Variants in GPC5 observed in about 807,000 individuals in gnomAD.
GPC5 encodes glypican-5.
GPC5 carries 47 observed loss-of-function variants against 53.9 expected under a neutral mutation model. The observed-to-expected ratio is 0.87, with a 90% confidence interval of 0.69 to 1.11. The LOEUF is 1.11. Among genes scored for constraint, GPC5 ranks in the 50% most tolerant of loss-of-function variants. The pLI is 0.00. For synonymous variants in GPC5, 286 were observed against 263.3 expected (o/e 1.09, Z -0.84); for missense variants, 748 against 713.1 (o/e 1.05, Z -0.56).
At chr13:91,829,462 G>A (rs904947918) in intron 5 of GPC5, among the ~76,000 whole-genome samples, 6 of 152,002 alleles carry the variant, frequency 3.9e-5, no homozygotes, top group African/African-American at 9.7e-5. Context: ...TAAATTTTTT[G>A]ATTTTGGTTT....
chr13:92,087,161 T>C lies in GPC5; in HGVS notation c.1402-57669T>C, dbSNP rs549027464. 8.1e-4 allele frequency among the ~76,000 whole-genome samples: 123 copies of C among 152,328 alleles called. 1 individual carries two copies. In the Middle Eastern group the frequency reaches 0.031, roughly 38 times the overall value. ...AAACAGGATCTATCAAGAGACAGAATAGAGAGATTCAGGGAGAGTGTGATG... is the reference window on the plus strand; with the variant it reads ...AAACAGGATCTATCAAGAGACAGAACAGAGAGATTCAGGGAGAGTGTGATG... On this transcript the variant is annotated intron_variant, in intron 6 of 7. Transcript: ENST00000377067.
chr13:92,286,811 C>A (rs567839134), intron 7 of GPC5, among the ~76,000 whole-genome samples: 12 of 151,888 alleles, frequency 7.9e-5, no homozygotes, highest in Non-Finnish European at 1.5e-4. Flanking sequence ...GTGCAGCACA[C>A]CAACATGGCA....
At chr13:92,417,548 T>C (rs563925792) in intron 7 of GPC5, among the ~76,000 whole-genome samples, 59 of 152,252 alleles carry the variant, frequency 3.9e-4, no homozygotes, top group African/African-American at 1.3e-3. Flanking sequence ...CAAATGTTCA[T>C]AGTAAGATTA....
chr13:91,549,897 C>A (rs921572597), intron 2 of GPC5, among the ~76,000 whole-genome samples: 1 of 152,136 alleles, frequency 6.6e-6, no homozygotes, highest in African/African-American at 2.4e-5. Context: ...AGCAGTCATA[C>A]TCCCTGCTTT....
intron 6 of GPC5, among the ~76,000 whole-genome samples, chr13:92,084,196 T>A (rs2041318731): frequency 6.6e-6 from 1 of 152,112 alleles, no homozygotes; most frequent in Non-Finnish European, 1.5e-5. Context: ...AGGTGACAGG[T>A]TGATAGGTGT....
intron 7 of GPC5, among the ~76,000 whole-genome samples, chr13:92,569,705 A>C (rs1231375718): frequency 6.6e-6 from 1 of 152,222 alleles, no homozygotes; most frequent in Non-Finnish European, 1.5e-5. Context: ...CTAGTGCACC[A>C]GGATTATAAA....
In GPC5 at chr13:92,548,530, TCAAATTTCACACA is replaced by T. The variant is rs1162036430; in HGVS notation, c.1562-317748_1562-317736del. Among the ~76,000 whole-genome samples, 3 of 151,966 alleles carry T rather than the reference TCAAATTTCACACA, an allele frequency of 2.0e-5. No homozygotes were observed. In the East Asian group the frequency reaches 5.8e-4, roughly 29 times the overall value. ...TCCAAGCCTTTCTTTCTGGTGTTTG[TCAAATTTCACACA>T]CAAGAGCTTTAAAAATTAATGATAA... is the stretch of plus-strand genomic sequence containing the variant. On this transcript the variant is annotated intron_variant, in intron 7 of 7. Transcript: ENST00000377067.
intron 2 of GPC5, among the ~76,000 whole-genome samples, chr13:91,531,372 T>G (rs976015370): frequency 2.4e-4 from 34 of 140,694 alleles, no homozygotes; most frequent in African/African-American, 7.7e-4. Context: ...AACATAGGGG[T>G]TTTTTTTCCT....
chr13:92,763,141 A>G (rs1875255957), intron 7 of GPC5, among the ~76,000 whole-genome samples: 1 of 152,064 alleles, frequency 6.6e-6, no homozygotes, highest in Admixed American at 6.6e-5. Context: ...CTGGAGAATT[A>G]TTTTATTCTT....
intron 6 of GPC5, among the ~76,000 whole-genome samples, chr13:92,127,529 A>G (rs1457060468): frequency 6.6e-6 from 1 of 152,204 alleles, no homozygotes; most frequent in Non-Finnish European, 1.5e-5. Context: ...AGAAACATAC[A>G]TAATGGTACT....
chr13:92,751,258 C>T (rs16947878), intron 7 of GPC5, among the ~76,000 whole-genome samples: 1,167 of 109,818 alleles, frequency 0.011, 31 homozygotes, highest in South Asian at 0.099. Flanking sequence ...AAGGTACCTA[C>T]GTAAGAACAG....
intron 7 of GPC5, among the ~76,000 whole-genome samples, chr13:92,300,795 A>G (rs2043070273): frequency 6.6e-6 from 1 of 152,230 alleles, no homozygotes; most frequent in Non-Finnish European, 1.5e-5. Context: ...TTAGTCTAAC[A>G]GCCAACAACT....
At chr13:92,226,484 AT>A (rs1201862508) in intron 7 of GPC5, among the ~76,000 whole-genome samples, 1 of 152,174 alleles carries the variant, frequency 6.6e-6, no homozygotes, top group Non-Finnish European at 1.5e-5. Context: ...GTCAGACATA[AT>A]TTATCTTCTT....
intron 5 of GPC5, among the ~76,000 whole-genome samples, chr13:91,804,159 A>G (rs2038183082): frequency 6.6e-6 from 1 of 152,204 alleles, no homozygotes; most frequent in African/African-American, 2.4e-5. Flanking sequence ...ACCATGAACA[A>G]AATATATTTG....
intron 7 of GPC5, among the ~76,000 whole-genome samples, chr13:92,247,824 G>T (rs1247343755): frequency 6.6e-6 from 1 of 151,968 alleles, no homozygotes; most frequent in Non-Finnish European, 1.5e-5. Flanking sequence ...AAACAGCCTG[G>T]TTTCTCACCA....
At chr13:92,047,210 T>A (rs969820208) in intron 6 of GPC5, among the ~76,000 whole-genome samples, 5 of 152,136 alleles carry the variant, frequency 3.3e-5, no homozygotes, top group African/African-American at 9.7e-5. Flanking sequence ...TACGGCAAGA[T>A]GGTTTAGATC....
intron 7 of GPC5, among the ~76,000 whole-genome samples, chr13:92,784,608 T>C (rs1370956817): frequency 6.6e-6 from 1 of 152,188 alleles, no homozygotes; most frequent in African/African-American, 2.4e-5. Context: ...TACTCTTTTG[T>C]GGTCTACTTT....
At chr13:92,079,923 T>A (rs2041282387) in intron 6 of GPC5, among the ~76,000 whole-genome samples, 1 of 152,136 alleles carries the variant, frequency 6.6e-6, no homozygotes, top group Non-Finnish European at 1.5e-5. Flanking sequence ...AGAGGTTGTT[T>A]GTATTTATTG....
chr13:91,877,316 A>T (rs1270566367), intron 5 of GPC5, among the ~76,000 whole-genome samples: 1 of 152,128 alleles, frequency 6.6e-6, no homozygotes. Flanking sequence ...GCACCTGGAA[A>T]AGCCGCAGAT....
Sources: allele counts gnomAD v4.1 joint callset (sites outside exome capture counted in the v4.1 genomes callset), GRCh38; gene constraint gnomAD v4.1.1; transcripts MANE v1.5; gene names NCBI Gene and HGNC (gene_info 2026-07-23, HGNC 2026-07-21).